The following TUBA1C variants were observed in gnomAD, a reference collection of about 807,000 sequenced individuals.
TUBA1C encodes the protein tubulin alpha-1C chain.
Under a neutral mutation model 34.9 loss-of-function variants are expected in TUBA1C, and 16 were observed. The ratio of observed to expected loss-of-function variants is 0.46; its 90% CI spans 0.31 to 0.70. The LOEUF (loss-of-function observed/expected upper bound fraction) is 0.70. Among genes scored for constraint, TUBA1C ranks in the 30% least tolerant of loss-of-function variants. The pLI is 0.05. For synonymous variants in TUBA1C, 177 were observed against 215.9 expected (o/e 0.82, Z 1.58); for missense variants, 329 against 587.3 (o/e 0.56, Z 4.55).
chr12:49,247,118 C>T (rs1942677858), intron 1 of TUBA1C, among the ~76,000 whole-genome samples: 1 of 124,416 alleles, frequency 8.0e-6, no homozygotes, highest in African/African-American at 3.3e-5. Context: ...CCACCCTAGG[C>T]GATAGAGCAA....
chr12:49,253,707 TTG>T lies in TUBA1C; in HGVS notation c.214-15756_214-15755del, dbSNP rs780640183. Among the ~76,000 whole-genome samples the T allele has an allele frequency of 1.3e-4, 20 of 152,104 alleles. No homozygotes were observed. The East Asian group carries it at 1.3e-3, about 10-fold the overall frequency. On this transcript the variant is annotated intron_variant, in intron 1 of 3. Transcript: ENST00000541364. ...CACACCATGCTAATTTTAAATTTTT[TTG>T]TAGGGACAGGGTCTCACTATGTCGT...
At chr12:49,263,981 G>T (rs1027927386), upstream of TUBA1C, among the ~76,000 whole-genome samples, 4 of 152,094 alleles carry the variant, frequency 2.6e-5, no homozygotes, top group Non-Finnish European at 5.9e-5. Context: ...AGCACTTTGG[G>T]AGGCCGAGGC....
chr12:49,262,661 C>T (rs11168940), upstream of TUBA1C, among the ~76,000 whole-genome samples: 2,335 of 151,540 alleles, frequency 0.015, 57 homozygotes, highest in African/African-American at 0.053. Context: ...ATGCCTGTAA[C>T]CCCAGCTACT....
intron 1 of TUBA1C, among the ~76,000 whole-genome samples, chr12:49,248,499 C>T (rs147092023): frequency 0.015 from 2,261 of 148,670 alleles, 50 homozygotes; most frequent in African/African-American, 0.053. Context: ...ACCTGGGAGG[C>T]GGAGATTACA....
chr12:49,269,318 C>T (rs1217373737), intron 1 of TUBA1C, 147 bp from the exon 2 acceptor site: 5 of 1,329,554 alleles, frequency 3.8e-6, no homozygotes, highest in South Asian at 2.7e-5. Context: ...CTGCCTCAGC[C>T]TCCCAAAGTA....
chr12:49,232,349 A>G (rs1352779656), intron 1 of TUBA1C, among the ~76,000 whole-genome samples: 1 of 152,148 alleles, frequency 6.6e-6, no homozygotes, highest in Non-Finnish European at 1.5e-5. Context: ...TTCTGTTTGG[A>G]TATGAACTCA....
chr12:49,237,634 A>T (rs1009861668), intron 1 of TUBA1C, among the ~76,000 whole-genome samples: 26 of 151,604 alleles, frequency 1.7e-4, no homozygotes, highest in African/African-American at 6.3e-4. Flanking sequence ...AGTCCCAGCT[A>T]CTTGGGAGGC....
At chr12:49,259,973 G>C (rs1257761666) in intron 1 of TUBA1C, among the ~76,000 whole-genome samples, 1 of 152,148 alleles carries the variant, frequency 6.6e-6, no homozygotes, top group South Asian at 2.1e-4. Flanking sequence ...GAAGTTAGTC[G>C]CAGGGAAAGA....
intron 1 of TUBA1C, among the ~76,000 whole-genome samples, chr12:49,249,951 C>G (rs1942715585): frequency 1.3e-5 from 2 of 152,104 alleles, no homozygotes; most frequent in South Asian, 4.1e-4. Flanking sequence ...AATTCCAACA[C>G]TTTGGGAGGC....
chr12:49,244,039 A>G (rs997430488), intron 1 of TUBA1C, among the ~76,000 whole-genome samples: 1 of 150,978 alleles, frequency 6.6e-6, no homozygotes, highest in African/African-American at 2.4e-5. Context: ...AATCCCAGCT[A>G]CTCGGGAGGC....
intron 1 of TUBA1C, among the ~76,000 whole-genome samples, chr12:49,231,256 C>A (rs573352404): frequency 6.6e-6 from 1 of 152,322 alleles, no homozygotes; most frequent in African/African-American, 2.4e-5. Flanking sequence ...CCTTAAACTC[C>A]TGGGCTCAAG....
chr12:49,246,764 G>C (rs1942673752), intron 1 of TUBA1C, among the ~76,000 whole-genome samples: 1 of 152,170 alleles, frequency 6.6e-6, no homozygotes, highest in Non-Finnish European at 1.5e-5. Context: ...CTGGCTTATG[G>C]CATTTCAGGA....
At chr12:49,266,493 C>T (rs1384652140) in intron 1 of TUBA1C, among the ~76,000 whole-genome samples, 1 of 151,918 alleles carries the variant, frequency 6.6e-6, no homozygotes, top group Non-Finnish European at 1.5e-5. Flanking sequence ...GTTCAGTTTT[C>T]AAGAAACGTG....
At chr12:49,270,355 C>A (rs1361983219) in intron 3 of TUBA1C, among the ~76,000 whole-genome samples, 1 of 152,206 alleles carries the variant, frequency 6.6e-6, no homozygotes, top group Non-Finnish European at 1.5e-5. Flanking sequence ...GTCACACTGA[C>A]AAGAAACAGC....
At chr12:49,255,940 A>T (rs1368834057) in intron 1 of TUBA1C, among the ~76,000 whole-genome samples, 1 of 151,914 alleles carries the variant, frequency 6.6e-6, no homozygotes, top group Non-Finnish European at 1.5e-5. Context: ...TATTCCCAGC[A>T]TTTGGGGAGG....
Position 49,272,864 on chromosome 12 carries a change from T to C in TUBA1C, c.987T>C (p.Asn329=). The change falls in exon 4 of 4, where the codon AAT becomes AAC. Residue 329 remains asparagine, a synonymous_variant. Coordinates refer to ENST00000301072, the MANE Select transcript of TUBA1C (RefSeq NM_032704.5). ...GTGACGTGGTTCCCAAAGATGTCAATGCTGCCATTGCCACCATCAAAACCA... is the reference window on the plus strand; with the variant it reads ...GTGACGTGGTTCCCAAAGATGTCAACGCTGCCATTGCCACCATCAAAACCA... ...YRGDVVPKDV[N]AAIATIKTKR... 1 of 1,614,138 alleles carries C rather than the reference T, an allele frequency of 6.2e-7. No individual in the cohort carries two copies. Among genetic ancestry groups the C allele is most frequent in the Non-Finnish European group, 8.5e-7 (1 of 1,180,004 alleles).
chr12:49,242,826 C>T (rs528503612), intron 1 of TUBA1C, among the ~76,000 whole-genome samples: 1 of 152,004 alleles, frequency 6.6e-6, no homozygotes, highest in South Asian at 2.1e-4. Flanking sequence ...TGTTTTGAGA[C>T]AGGGTCTTAC....
chr12:49,268,325 C>T (rs959460710), intron 1 of TUBA1C, among the ~76,000 whole-genome samples: 5 of 152,000 alleles, frequency 3.3e-5, no homozygotes, highest in African/African-American at 7.3e-5. Context: ...TCTTGAACTC[C>T]TGACCTCAGA....
intron 1 of TUBA1C, among the ~76,000 whole-genome samples, chr12:49,239,050 T>C (rs1209207694): frequency 5.3e-5 from 8 of 152,232 alleles, no homozygotes; most frequent in Non-Finnish European, 1.5e-5. Context: ...CCTCTGGGAA[T>C]GTGGCTGGTT....
Sources: allele counts gnomAD v4.1 joint callset (sites outside exome capture counted in the v4.1 genomes callset), GRCh38; gene constraint gnomAD v4.1.1; transcripts MANE v1.5; gene names NCBI Gene and HGNC (gene_info 2026-07-23, HGNC 2026-07-21).